The following TLCD4 variants were observed in gnomAD, a reference collection of about 807,000 sequenced individuals.
TLCD4 encodes TLC domain containing 4.
In TLCD4, 7 loss-of-function variants were observed where a neutral mutation model predicts 24.2. The ratio of observed to expected loss-of-function variants is 0.29; its 90% CI spans 0.16 to 0.54. TLCD4 has a LOEUF of 0.54. Ranked by LOEUF, TLCD4 falls within the 20% of genes least tolerant of loss-of-function variation. TLCD4 has a pLI of 0.95. For synonymous variants in TLCD4, 103 were observed against 106.4 expected, an observed-to-expected ratio of 0.97 and a Z score of 0.20; for missense variants, 259 against 313.9, an observed-to-expected ratio of 0.82 and a Z score of 1.32.
upstream of TLCD4, among the ~76,000 whole-genome samples, chr1:95,114,056 GGTTT>G (rs745315471): frequency 6.6e-6 from 1 of 151,988 alleles, no homozygotes; most frequent in South Asian, 2.1e-4. Context: ...AAAACCTTTT[GGTTT>G]GTTTGTTTGT....
chr1:95,097,192 C>T, the TLCD4 span, among the ~76,000 whole-genome samples: 1 of 152,060 alleles, frequency 6.6e-6, no homozygotes, highest in Non-Finnish European at 1.5e-5. Context: ...TTAGGATATC[C>T]ATCACCTTAA....
upstream of TLCD4, among the ~76,000 whole-genome samples, chr1:95,114,050 C>A (rs1051008482): frequency 3.3e-5 from 5 of 151,956 alleles, no homozygotes; most frequent in African/African-American, 1.2e-4. Context: ...TTTAAAAAAA[C>A]CTTTTGGTTT....
intron 1 of TLCD4, chr1:95,140,591 A>C (rs1677173740): frequency 2.6e-5 from 4 of 152,252 alleles, no homozygotes; most frequent in Admixed American, 2.6e-4. Flanking sequence ...CCTGTGAATC[A>C]AGATGGACTA....
intron 1 of TLCD4, among the ~76,000 whole-genome samples, chr1:95,124,246 TG>T (rs1464594848): frequency 1.3e-5 from 2 of 152,204 alleles, no homozygotes; most frequent in Non-Finnish European, 2.9e-5. Flanking sequence ...GGCTGGTTAG[TG>T]TATTTCGAAG....
At chr1:95,103,097 G>A in the TLCD4 span, among the ~76,000 whole-genome samples, 1 of 152,204 alleles carries the variant, frequency 6.6e-6, no homozygotes, top group Non-Finnish European at 1.5e-5. Context: ...TCCTGCCTCA[G>A]CCTCCTGAGT....
At chr1:95,109,943 AT>A in the TLCD4 span, among the ~76,000 whole-genome samples, 1 of 141,456 alleles carries the variant, frequency 7.1e-6, no homozygotes, top group Non-Finnish European at 1.5e-5. Context: ...ATATATATAT[AT>A]ATATATATAT....
At chr1:95,154,058 A>G (rs1677564502) in intron 5 of TLCD4, among the ~76,000 whole-genome samples, 1 of 152,190 alleles carries the variant, frequency 6.6e-6, no homozygotes, top group African/African-American at 2.4e-5. Context: ...TAGATATAAA[A>G]GTAGATACAA....
intron 1 of TLCD4, among the ~76,000 whole-genome samples, chr1:95,124,438 CTA>C (rs1284482349): frequency 6.6e-6 from 1 of 152,122 alleles, no homozygotes. Context: ...TAAGAAAACA[CTA>C]TATTTGCAAT....
At chr1:95,156,157 A>C (rs1430404472) in intron 5 of TLCD4, among the ~76,000 whole-genome samples, 1 of 150,272 alleles carries the variant, frequency 6.7e-6, no homozygotes, top group African/African-American at 2.4e-5. Context: ...AGTTTTACAT[A>C]AATGTTCATA....
intron 1 of TLCD4, among the ~76,000 whole-genome samples, chr1:95,130,272 C>T (rs984767751): frequency 2.0e-5 from 3 of 152,246 alleles, no homozygotes; most frequent in Admixed American, 2.0e-4. Flanking sequence ...CCTGTCTCAG[C>T]CTTCCGAGCA....
intron 5 of TLCD4, among the ~76,000 whole-genome samples, chr1:95,167,542 CT>C (rs1314341691): frequency 1.3e-5 from 2 of 151,964 alleles, no homozygotes; most frequent in African/African-American, 4.8e-5. Context: ...TCTAAAACCC[CT>C]TGTGGCCTTT....
intron 1 of TLCD4, among the ~76,000 whole-genome samples, chr1:95,119,168 C>T (rs1676507720): frequency 1.3e-5 from 2 of 152,144 alleles, no homozygotes; most frequent in Non-Finnish European, 2.9e-5. Context: ...GCTACTAATG[C>T]TTTATACTTG....
chr1:95,117,800 C>G (rs1571716618), intron 1 of TLCD4, 183 bp downstream of exon 1: 2 of 150,960 alleles, frequency 1.3e-5, no homozygotes, highest in East Asian at 4.0e-4. Flanking sequence ...CGGGAGGCGG[C>G]CCGGGGCTCC....
intron 1 of TLCD4, among the ~76,000 whole-genome samples, chr1:95,127,236 G>C (rs1156492115): frequency 6.6e-6 from 1 of 152,116 alleles, no homozygotes; most frequent in Non-Finnish European, 1.5e-5. Context: ...ATGCTAACTT[G>C]TTCTTCAGCC....
intron 2 of TLCD4, among the ~76,000 whole-genome samples, chr1:95,146,069 G>A (rs924379183): frequency 1.3e-5 from 2 of 152,044 alleles, no homozygotes; most frequent in Admixed American, 6.6e-5. Context: ...TCAGCTTCCA[G>A]TTTGAAACAT....
chr1:95,139,455 A>ATTTTTTTTTT (rs200337389), intron 1 of TLCD4, among the ~76,000 whole-genome samples: 36 of 93,992 alleles, frequency 3.8e-4, no homozygotes, highest in Non-Finnish European at 5.1e-4. Flanking sequence ...TAAACCTTTG[A>ATTTTTTTTTT]TTTTTTTTTT....
chr1:95,149,160 C>T (rs1677427165), intron 3 of TLCD4, among the ~76,000 whole-genome samples: 1 of 151,956 alleles, frequency 6.6e-6, no homozygotes, highest in African/African-American at 2.4e-5. Flanking sequence ...TTTTTTGTCT[C>T]CAATTTATGT....
chr1:95,164,815 A>G (rs1262121540), intron 5 of TLCD4: 2 of 152,242 alleles, frequency 1.3e-5, no homozygotes, highest in Non-Finnish European at 2.9e-5. Flanking sequence ...CTACACATAG[A>G]AAATCAGTAA....
intron 5 of TLCD4, among the ~76,000 whole-genome samples, chr1:95,155,228 C>G (rs564663842): frequency 6.6e-6 from 1 of 152,078 alleles, no homozygotes; most frequent in African/African-American, 2.4e-5. Context: ...TCCAGACTTC[C>G]ATAATCGCTT....
Sources: allele counts gnomAD v4.1 joint callset (sites outside exome capture counted in the v4.1 genomes callset), GRCh38; gene constraint gnomAD v4.1.1; transcripts MANE v1.5; gene names NCBI Gene and HGNC (gene_info 2026-07-23, HGNC 2026-07-21).